CTNNA3: variants seen among roughly 807,000 people sequenced by gnomAD.
CTNNA3 encodes catenin alpha 3.
Under a neutral mutation model 95.7 loss-of-function variants are expected in CTNNA3, and 76 were observed. The observed-to-expected ratio is 0.79, with a 90% confidence interval of 0.66 to 0.96. The LOEUF (loss-of-function observed/expected upper bound fraction) is 0.96, where lower values mean the gene tolerates loss of function less well. CTNNA3 is among the 40% of genes least tolerant of loss of function. The pLI, the probability that CTNNA3 is intolerant of heterozygous loss-of-function variation, is 0.00. For missense variants in CTNNA3, 1,191 were observed against 1,089.8 expected (o/e 1.09, Z -1.31); for synonymous variants, 431 against 374.4 (o/e 1.15, Z -1.74).
intron 11 of CTNNA3, among the ~76,000 whole-genome samples, chr10:66,465,699 T>A (rs1400655462): frequency 6.6e-6 from 1 of 151,962 alleles, no homozygotes; most frequent in Non-Finnish European, 1.5e-5. Flanking sequence ...TGACTTGCCA[T>A]CTCCTGATGG....
chr10:67,604,656 C>T (rs1843205553), intron 3 of CTNNA3, among the ~76,000 whole-genome samples: 1 of 152,094 alleles, frequency 6.6e-6, no homozygotes, highest in Non-Finnish European at 1.5e-5. Flanking sequence ...CCCATGACGC[C>T]AATATGACAA....
At chr10:67,083,813 CT>C (rs1289224184) in intron 7 of CTNNA3, among the ~76,000 whole-genome samples, 3 of 152,110 alleles carry the variant, frequency 2.0e-5, no homozygotes, top group African/African-American at 7.2e-5. Flanking sequence ...CCATTACATA[CT>C]TTTTAAGAGT....
At chr10:67,102,054 CT>C (rs1858377941) in intron 7 of CTNNA3, among the ~76,000 whole-genome samples, 1 of 151,702 alleles carries the variant, frequency 6.6e-6, no homozygotes, top group South Asian at 2.1e-4. Flanking sequence ...TGGCACAGCT[CT>C]TAACAGTTTA....
At chr10:66,593,955 A>G (rs529641626) in intron 10 of CTNNA3, among the ~76,000 whole-genome samples, 14 of 150,966 alleles carry the variant, frequency 9.3e-5, no homozygotes, top group East Asian at 2.1e-4. Context: ...ATCCCATCCA[A>G]TGGTTTTAAA....
intron 11 of CTNNA3, among the ~76,000 whole-genome samples, chr10:66,397,520 T>G (rs139934385): frequency 6.6e-6 from 1 of 151,986 alleles, no homozygotes; most frequent in East Asian, 1.9e-4. Context: ...TATTCATTCA[T>G]TCAATATCTC....
intron 7 of CTNNA3, among the ~76,000 whole-genome samples, chr10:67,123,871 A>G (rs1373812146): frequency 6.6e-6 from 1 of 152,164 alleles, no homozygotes; most frequent in African/African-American, 2.4e-5. Context: ...CAATACTACA[A>G]ATATGCTATC....
intron 6 of CTNNA3, among the ~76,000 whole-genome samples, chr10:67,198,643 G>A (rs557547093): frequency 3.3e-5 from 5 of 152,230 alleles, no homozygotes; most frequent in Non-Finnish European, 7.4e-5. Context: ...TATTAATGAA[G>A]GATGTTGCTG....
At chr10:67,126,062 G>A (rs1256260984) in intron 7 of CTNNA3, among the ~76,000 whole-genome samples, 1 of 152,070 alleles carries the variant, frequency 6.6e-6, no homozygotes, top group East Asian at 1.9e-4. Context: ...GCCTTTCACA[G>A]CAAAGAAAAA....
At chr10:67,626,351 C>A (rs1318864876) in intron 2 of CTNNA3, among the ~76,000 whole-genome samples, 2 of 152,082 alleles carry the variant, frequency 1.3e-5, no homozygotes, top group East Asian at 1.9e-4. Flanking sequence ...TGGGGTGGCT[C>A]TGGATTTTGT....
intron 10 of CTNNA3, among the ~76,000 whole-genome samples, chr10:66,581,521 T>G (rs1389031672): frequency 2.0e-5 from 3 of 151,830 alleles, no homozygotes; most frequent in Admixed American, 6.6e-5. Flanking sequence ...GAGCATTTAT[T>G]CATATGTTTT....
chr10:66,300,011 G>C (rs1273523811), intron 12 of CTNNA3, among the ~76,000 whole-genome samples: 1 of 151,972 alleles, frequency 6.6e-6, no homozygotes, highest in Non-Finnish European at 1.5e-5. Flanking sequence ...TCCTGCCTCA[G>C]CCTCCCGAGT....
At chr10:67,126,591 G>T (rs1213517038) in intron 7 of CTNNA3, among the ~76,000 whole-genome samples, 3 of 152,160 alleles carry the variant, frequency 2.0e-5, no homozygotes, top group Non-Finnish European at 4.4e-5. Flanking sequence ...AATTATAATT[G>T]TTACTCAGAT....
Position 67,607,019 on chromosome 10 carries a change from G to T in CTNNA3, c.130C>A (p.Pro44Thr), listed in dbSNP as rs759426077. ...VTTLVNCPQN[P>T]SSRKKGRSKR... is the part of the protein sequence containing the mutation. ...GAACGTCCTTTTTTCCTGCTGGAAG[G>T]GTTCTGGGGACAGTTTACAAGTGTG... is the stretch of plus-strand genomic sequence containing the variant. Residue 44 changes from proline (P) to threonine (T), a missense_variant, in exon 3 of 18, where the codon CCT (proline) becomes ACT (threonine). Coordinates refer to ENST00000433211, the MANE Select transcript of CTNNA3 (RefSeq NM_013266.4). 1.9e-6 allele frequency: 3 copies of T among 1,613,814 alleles called. No individual in the cohort carries two copies. Among genetic ancestry groups the T allele is most frequent in the Non-Finnish European group, 2.5e-6 (3 of 1,179,920 alleles).
intron 9 of CTNNA3, among the ~76,000 whole-genome samples, chr10:66,705,681 T>A (rs111713767): frequency 0.048 from 7,250 of 152,158 alleles, 244 homozygotes; most frequent in Middle Eastern, 0.088. Context: ...AAGCATAATA[T>A]CCCTTCCTTA....
chr10:66,492,208 T>C (rs933869492), intron 11 of CTNNA3, among the ~76,000 whole-genome samples: 1 of 152,180 alleles, frequency 6.6e-6, no homozygotes, highest in Non-Finnish European at 1.5e-5. Flanking sequence ...CTTCATCTCT[T>C]AATCTAGAAA....
At chr10:65,938,103 G>A (rs1451977545) in intron 17 of CTNNA3, among the ~76,000 whole-genome samples, 1 of 152,126 alleles carries the variant, frequency 6.6e-6, no homozygotes, top group Non-Finnish European at 1.5e-5. Flanking sequence ...AATGATCAGG[G>A]GCCATCTCAA....
chr10:67,016,936 G>A (rs182465991), intron 7 of CTNNA3, among the ~76,000 whole-genome samples: 13 of 152,014 alleles, frequency 8.6e-5, no homozygotes, highest in South Asian at 4.1e-4. Context: ...AAAATGTCTG[G>A]TTCAAAATAG....
intron 11 of CTNNA3, among the ~76,000 whole-genome samples, chr10:66,427,309 T>C (rs1279958856): frequency 2.0e-5 from 3 of 148,120 alleles, no homozygotes; most frequent in Non-Finnish European, 3.0e-5. Flanking sequence ...ACTTATTTTC[T>C]TTTAAACTTT....
intron 10 of CTNNA3, among the ~76,000 whole-genome samples, chr10:66,607,472 C>CAAAAAAAAAAAAA (rs574854850): frequency 1.5e-3 from 67 of 45,218 alleles, no homozygotes; most frequent in Non-Finnish European, 1.8e-3. Context: ...CAGAGACAAC[C>CAAAAAAAAAAAAA]AAAAAAAAAA....
Sources: allele counts gnomAD v4.1 joint callset (sites outside exome capture counted in the v4.1 genomes callset), GRCh38; gene constraint gnomAD v4.1.1; transcripts MANE v1.5; gene names NCBI Gene and HGNC (gene_info 2026-07-23, HGNC 2026-07-21).